The following WASHC3 variants were observed in gnomAD, a reference collection of about 807,000 sequenced individuals.
The protein encoded by WASHC3 is WASH complex subunit 3.
A neutral mutation model predicts 26.1 loss-of-function variants in WASHC3; 24 were observed. The observed-to-expected ratio is 0.92, with a 90% CI of 0.66 to 1.29. The LOEUF is 1.29. Among genes scored for constraint, WASHC3 ranks in the 50% most tolerant of loss-of-function variants. WASHC3 has a pLI of 0.00. For missense variants in WASHC3, 214 were observed against 229.6 expected (o/e 0.93, Z 0.44); for synonymous variants, 77 against 75.7 (o/e 1.02, Z -0.09).
At chr12:102,021,690 TTG>T (rs1325696948) in intron 6 of WASHC3, among the ~76,000 whole-genome samples, 2 of 152,150 alleles carry the variant, frequency 1.3e-5, no homozygotes, top group African/African-American at 4.8e-5. Flanking sequence ...GGATGTCCAG[TTG>T]TGCAACTGAG....
intron 2 of WASHC3, among the ~76,000 whole-genome samples, chr12:102,052,336 G>A (rs566667038): frequency 4.7e-5 from 7 of 148,238 alleles, no homozygotes; most frequent in African/African-American, 1.7e-4. Context: ...CACCCCAGCA[G>A]AACTCAGTGC....
chr12:102,043,938 CA>C, intron 4 of WASHC3, 166 bp downstream of exon 4: 1 of 405,414 alleles, frequency 2.5e-6, no homozygotes, highest in East Asian at 4.1e-5. Context: ...GGAAGCCCTT[CA>C]AAATAACACA....
chr12:102,040,061 T>C, intron 4 of WASHC3, 83 bp from the exon 5 acceptor site: 1 of 570,252 alleles, frequency 1.8e-6, no homozygotes, highest in East Asian at 3.0e-5. Flanking sequence ...TTTCTTTCCA[T>C]AATTCTAAGG....
At chr12:102,046,011 T>G in intron 3 of WASHC3, 43 bp downstream of exon 3, 1 of 1,148,022 alleles carries the variant, frequency 8.7e-7, no homozygotes, top group Non-Finnish European at 1.3e-6. Context: ...AGCTGGTATA[T>G]GCACAGCAAA....
At chr12:102,042,541 C>A (rs1170096119) in intron 4 of WASHC3, among the ~76,000 whole-genome samples, 4 of 152,132 alleles carry the variant, frequency 2.6e-5, no homozygotes, top group Non-Finnish European at 4.4e-5. Context: ...TACTTTTCGA[C>A]CTTCAGCAAG....
intron 4 of WASHC3, among the ~76,000 whole-genome samples, chr12:102,042,463 T>C (rs1877977930): frequency 6.6e-6 from 1 of 152,172 alleles, no homozygotes; most frequent in Non-Finnish European, 1.5e-5. Context: ...TAGTATAGTG[T>C]AGTGAAGCAG....
chr12:102,013,203 A>C lies in WASHC3; in HGVS notation c.501-11T>G, dbSNP rs1876556053. 6.9e-7 allele frequency: 1 copy of C among 1,441,756 alleles called. No individual in the cohort carries two copies. Among genetic ancestry groups the C allele is most frequent in the South Asian group, 1.3e-5 (1 of 79,044 alleles). The allele number at this position is 1,441,756 out of a possible 1,614,324, so 89.3% of individuals were successfully genotyped here. On this transcript the variant is annotated splice_polypyrimidine_tract_variant and intron_variant, in intron 6 of 6. Transcript: ENST00000240079. ...GGAGCATCTGGCCTCCTAAAAGAAA[A>C]GAAAAAAAAATTTCAAAGGTCTTTT...
chr12:102,029,402 T>C (rs2121363571), intron 5 of WASHC3, among the ~76,000 whole-genome samples: 1 of 152,288 alleles, frequency 6.6e-6, no homozygotes, highest in Non-Finnish European at 1.5e-5. Context: ...ATCACGTCTG[T>C]ATTTGCGTCA....
At chr12:102,026,814 A>G (rs1359172973) in intron 5 of WASHC3, among the ~76,000 whole-genome samples, 1 of 152,188 alleles carries the variant, frequency 6.6e-6, no homozygotes, top group East Asian at 1.9e-4. Flanking sequence ...CTCTCTTCAC[A>G]CCATCCCCAA....
chr12:102,035,189 G>A (rs1877604381), intron 5 of WASHC3, among the ~76,000 whole-genome samples: 1 of 152,036 alleles, frequency 6.6e-6, no homozygotes, highest in Non-Finnish European at 1.5e-5. Flanking sequence ...GCTTAATTTT[G>A]CCTATATTAG....
chr12:102,029,378 T>A (rs973482939), intron 5 of WASHC3, among the ~76,000 whole-genome samples: 2 of 152,172 alleles, frequency 1.3e-5, no homozygotes, highest in Middle Eastern at 6.3e-3. Context: ...GCCATAAGTC[T>A]GATGTTCCAA....
At chr12:102,025,490 C>A (rs1258072274) in intron 6 of WASHC3, among the ~76,000 whole-genome samples, 1 of 151,500 alleles carries the variant, frequency 6.6e-6, no homozygotes, top group African/African-American at 2.4e-5. Context: ...TTAACATAGA[C>A]CCAGAACAGC....
chr12:102,013,244 A>T, intron 6 of WASHC3, 52 bp from the exon 7 acceptor site: 1 of 844,574 alleles, frequency 1.2e-6, no homozygotes, highest in Non-Finnish European at 1.9e-6. Flanking sequence ...TGAAAAGAGC[A>T]CTTACAAACT....
intron 5 of WASHC3, among the ~76,000 whole-genome samples, chr12:102,027,527 T>G (rs575270418): frequency 6.6e-6 from 1 of 152,306 alleles, no homozygotes; most frequent in South Asian, 2.1e-4. Flanking sequence ...TCTTGCCAAA[T>G]TAAGTTAAAT....
chr12:102,043,045 T>C (rs1878004897), intron 4 of WASHC3, among the ~76,000 whole-genome samples: 1 of 152,174 alleles, frequency 6.6e-6, no homozygotes, highest in African/African-American at 2.4e-5. Flanking sequence ...AAACGAATCA[T>C]CTTCAAAAAC....
intron 5 of WASHC3, among the ~76,000 whole-genome samples, chr12:102,037,939 G>T (rs893294629): frequency 1.3e-5 from 2 of 151,972 alleles, no homozygotes; most frequent in Admixed American, 1.3e-4. Flanking sequence ...GGGATTACAG[G>T]CATGTGCCAC....
chr12:102,048,878 A>G (rs1312401820), intron 2 of WASHC3, among the ~76,000 whole-genome samples: 1 of 152,230 alleles, frequency 6.6e-6, no homozygotes, highest in Non-Finnish European at 1.5e-5. Flanking sequence ...CCATGGCATG[A>G]TTAAGAAAGA....
intron 6 of WASHC3, among the ~76,000 whole-genome samples, chr12:102,023,660 G>A (rs1877049958): frequency 6.6e-6 from 1 of 152,142 alleles, no homozygotes; most frequent in Non-Finnish European, 1.5e-5. Flanking sequence ...GCTAAATGCA[G>A]TTGAAACTGG....
At chr12:102,028,077 A>G (rs1476791933) in intron 5 of WASHC3, among the ~76,000 whole-genome samples, 2 of 152,160 alleles carry the variant, frequency 1.3e-5, no homozygotes, top group Admixed American at 1.3e-4. Flanking sequence ...CAAAAAGAGA[A>G]AAACAGAAAA....
Sources: allele counts gnomAD v4.1 joint callset (sites outside exome capture counted in the v4.1 genomes callset), GRCh38; gene constraint gnomAD v4.1.1; transcripts MANE v1.5; gene names NCBI Gene and HGNC (gene_info 2026-07-23, HGNC 2026-07-21).